TCF20: variants seen among roughly 807,000 people sequenced by gnomAD.
TCF20 encodes the protein transcription factor 20, also known as SPRE-binding protein.
Under a neutral mutation model 148.6 loss-of-function variants are expected in TCF20, and 3 were observed. The observed-to-expected ratio is 0.02, with a 90% CI of 0.01 to 0.05. The LOEUF (loss-of-function observed/expected upper bound fraction) is 0.05, where lower values mean the gene tolerates loss of function less well. Among genes scored for constraint, TCF20 ranks in the 10% least tolerant of loss-of-function variants. The pLI, the probability that TCF20 is intolerant of heterozygous loss-of-function variation, is 1.00. For synonymous variants in TCF20, 1,049 were observed against 909.5 expected, an observed-to-expected ratio of 1.15 and a Z score of -2.76; for missense variants, 2,350 against 2,429.3, an observed-to-expected ratio of 0.97 and a Z score of 0.69.
intron 1 of TCF20, among the ~76,000 whole-genome samples, chr22:42,337,117 C>T (rs575318768): frequency 2.0e-5 from 3 of 152,286 alleles, no homozygotes; most frequent in South Asian, 4.1e-4. Flanking sequence ...TCAGATCTGA[C>T]CACATCAGGG....
chr22:42,169,518 A>T (rs1935991681), intron 4 of TCF20, among the ~76,000 whole-genome samples: 1 of 152,216 alleles, frequency 6.6e-6, no homozygotes, highest in Non-Finnish European at 1.5e-5. Context: ...CCAACCTGTG[A>T]ATTGGGGTTC....
chr22:42,335,357 C>T (rs955823935), intron 1 of TCF20, among the ~76,000 whole-genome samples: 3 of 152,156 alleles, frequency 2.0e-5, no homozygotes, highest in Admixed American at 6.5e-5. Flanking sequence ...CACAGCCCTG[C>T]CCACAGGCCG....
At chr22:42,271,219 G>A (rs2147004202), upstream of TCF20, among the ~76,000 whole-genome samples, 1 of 152,380 alleles carries the variant, frequency 6.6e-6, no homozygotes, top group East Asian at 1.9e-4. Flanking sequence ...GGTTCCAGGT[G>A]TCCGTGGAGG....
At chr22:42,166,990 G>A (rs116801075) in intron 5 of TCF20, among the ~76,000 whole-genome samples, 4,029 of 152,264 alleles carry the variant, frequency 0.026, 168 homozygotes, top group African/African-American at 0.091. Context: ...TGGCTGCCTT[G>A]TCCTAAGGGC....
At chr22:42,287,664 G>A (rs538157995), upstream of TCF20, among the ~76,000 whole-genome samples, 2 of 152,258 alleles carry the variant, frequency 1.3e-5, no homozygotes, top group Admixed American at 1.3e-4. Flanking sequence ...CTGTTTCAGA[G>A]CTCAGTTGAT....
intron 2 of TCF20, among the ~76,000 whole-genome samples, chr22:42,181,038 C>A (rs1409738263): frequency 1.3e-5 from 2 of 152,200 alleles, no homozygotes; most frequent in African/African-American, 4.8e-5. Flanking sequence ...TGGAGTAAAC[C>A]AAGGACAAGT....
At chr22:42,334,452 C>A (rs1928031148) in intron 1 of TCF20, among the ~76,000 whole-genome samples, 1 of 152,210 alleles carries the variant, frequency 6.6e-6, no homozygotes, top group Non-Finnish European at 1.5e-5. Flanking sequence ...CACCTGGGGG[C>A]TGCTCACTCA....
At chr22:42,263,858 C>T (rs1327150164) in intron 1 of TCF20, among the ~76,000 whole-genome samples, 1 of 152,086 alleles carries the variant, frequency 6.6e-6, no homozygotes, top group Non-Finnish European at 1.5e-5. Flanking sequence ...CTGGTAAGAG[C>T]GTGGGGCATA....
intron 1 of TCF20, among the ~76,000 whole-genome samples, chr22:42,254,145 A>G (rs1242550996): frequency 6.6e-6 from 1 of 152,076 alleles, no homozygotes; most frequent in Non-Finnish European, 1.5e-5. Context: ...CTGGCAGCGA[A>G]ATTTTATTTA....
In TCF20 at chr22:42,219,355, C is replaced by CAAAAAAAAAAAAAA. The variant is rs528664836; in HGVS notation, c.-36-4028_-36-4015dup. ...ACCCTGGGTGACAGTAACCCTGTCT[C>CAAAAAAAAAAAAAA]AAAAAAAAAAAAAAAAAAAAAAAAA... is the stretch of plus-strand genomic sequence containing the variant. On this transcript the variant is annotated intron_variant, in intron 1 of 5. Coordinates refer to ENST00000677622, the MANE Select transcript of TCF20 (RefSeq NM_001378418.1). Among the ~76,000 whole-genome samples, 109 of 43,534 alleles carry CAAAAAAAAAAAAAA rather than the reference C, an allele frequency of 2.5e-3. 12 individuals are homozygous for CAAAAAAAAAAAAAA. The highest frequency in any genetic ancestry group is 8.7e-3 in the African/African-American group (88 of 10,162). 28.6% of individuals were successfully genotyped at this position (43,534 alleles called of 152,430 possible).
intron 2 of TCF20, among the ~76,000 whole-genome samples, chr22:42,181,582 T>C (rs547209549): frequency 2.6e-5 from 4 of 151,266 alleles, no homozygotes; most frequent in Non-Finnish European, 4.4e-5. Context: ...TGAAAACATT[T>C]TGCACTCCCC....
rs1935681263 is a variant in TCF20, at chr22:42,164,794, A to T, written c.*45-3436T>A. Among the ~76,000 whole-genome samples the T allele has an allele frequency of 3.3e-5, 5 of 152,226 alleles. No homozygotes were observed. The South Asian group carries it at 8.3e-4, about 25-fold the overall frequency. ...AGTAGGATTTAAGCTGAGACCCAGG[A>T]GATGGGAGCCTGTTTTCAACATGAA... On this transcript the variant is annotated intron_variant, in intron 5 of 5. Coordinates refer to ENST00000677622, the MANE Select transcript of TCF20 (RefSeq NM_001378418.1).
chr22:42,193,794 A>C (rs1016950384), intron 2 of TCF20, among the ~76,000 whole-genome samples: 1 of 152,214 alleles, frequency 6.6e-6, no homozygotes, highest in African/African-American at 2.4e-5. Context: ...GATGAAGGAT[A>C]AAATATGACC....
rs542405041 is a variant in TCF20, at chr22:42,208,283, A to G, written c.5655+1368T>C. ...CTTTAAAAGTCAGTACATTCAGAGAAAAAAAAAGCTCTTCAAAATATCAAG... is the reference window on the plus strand; with the variant it reads ...CTTTAAAAGTCAGTACATTCAGAGAGAAAAAAAGCTCTTCAAAATATCAAG... On this transcript the variant is annotated intron_variant, in intron 2 of 5. Coordinates refer to ENST00000677622, the MANE Select transcript of TCF20 (RefSeq NM_001378418.1). Among the ~76,000 whole-genome samples the G allele has an allele frequency of 9.0e-4, 137 of 152,300 alleles. 1 individual carries two copies. Among genetic ancestry groups the G allele is most frequent in the African/African-American group, 2.8e-3 (115 of 41,572 alleles).
chr22:42,233,819 CACTG>C (rs1923641710), intron 1 of TCF20, among the ~76,000 whole-genome samples: 1 of 152,192 alleles, frequency 6.6e-6, no homozygotes, highest in Admixed American at 6.5e-5. Flanking sequence ...CCTCACCTCT[CACTG>C]AGGCATAAGG....
At position 42,213,594 on chromosome 22, in the gene TCF20, A is replaced by G. The variant is rs1364692846; in HGVS notation, c.1712T>C (p.Leu571Pro). The G allele has an allele frequency of 5.6e-6, 9 of 1,613,966 alleles. No homozygotes were observed. The highest frequency in any genetic ancestry group is 7.6e-6 in the Non-Finnish European group (9 of 1,180,014). Residue 571 changes from leucine (L) to proline (P), a missense_variant, in exon 2 of 6, where the codon CTC (leucine) becomes CCC (proline). Transcript: ENST00000677622. Reference protein sequence around the residue: ...AQGAQNEPPRLNASPAAREEA... With the variant: ...AQGAQNEPPRPNASPAAREEA... ...TTCTCTTGCGGCAGGACTAGCATTG[A>G]GTCTGGGGGGTTCATTCTGAGCACC... is the stretch of plus-strand genomic sequence containing the variant.
chr22:42,214,717 C>T lies in TCF20; in HGVS notation c.589G>A (p.Ala197Thr), dbSNP rs1326868558. Residue 197 changes from alanine (A) to threonine (T), a missense_variant, in exon 2 of 6, where the codon GCC becomes ACC. Coordinates refer to ENST00000677622, the MANE Select transcript of TCF20 (RefSeq NM_001378418.1). ...GAGCTGGATGCTGGTTGGCCAGTGG[C>T]CTGTGGCAGGGGCTGATGGGACTGG... ...LYQSHQPLPQ[A>T]TGQPASSSSH... 1 of 1,614,100 alleles carries T rather than the reference C, an allele frequency of 6.2e-7. No homozygotes were observed. The highest frequency in any genetic ancestry group is 2.2e-5 in the East Asian group (1 of 44,878).
chr22:42,298,691 T>C (rs1454011875), intron 1 of TCF20, among the ~76,000 whole-genome samples: 2 of 152,254 alleles, frequency 1.3e-5, no homozygotes, highest in East Asian at 3.8e-4. Context: ...GCCTACCAGC[T>C]GGCATGGTCG....
At chr22:42,179,332 G>A (rs1018848419) in intron 3 of TCF20, among the ~76,000 whole-genome samples, 16 of 151,462 alleles carry the variant, frequency 1.1e-4, no homozygotes, top group African/African-American at 3.9e-4. Flanking sequence ...GTACAGCAAA[G>A]CCCACAGAGA....
Sources: gnomAD v4.1 joint callset for allele counts (sites outside exome capture counted in the v4.1 genomes callset) on GRCh38, gnomAD v4.1.1 for gene constraint, MANE v1.5 for transcripts, NCBI Gene and HGNC (gene_info 2026-07-23, HGNC 2026-07-21) for gene names.